TYW1B: variants seen among roughly 807,000 people sequenced by gnomAD.
TYW1B encodes tRNA-yW synthesizing protein 1 homolog B.
Under a neutral mutation model 86.9 loss-of-function variants are expected in TYW1B, and 73 were observed. That is an observed-to-expected ratio of 0.84 (90% CI 0.70 to 1.02). TYW1B has a LOEUF of 1.02. Among genes scored for constraint, TYW1B ranks in the 50% least tolerant of loss-of-function variants. TYW1B has a pLI of 0.00. For missense variants in TYW1B, 637 were observed against 827.4 expected (o/e 0.77, Z 2.82); for synonymous variants, 248 against 292.8 (o/e 0.85, Z 1.56).
intron 13 of TYW1B, among the ~76,000 whole-genome samples, chr7:72,603,816 T>C (rs199788020): frequency 6.6e-6 from 1 of 152,074 alleles, no homozygotes; most frequent in East Asian, 1.9e-4. Context: ...ATTTCAATAA[T>C]AGGGCATTCC....
chr7:72,790,066 G>C (rs28591206), intron 6 of TYW1B, among the ~76,000 whole-genome samples: 1 of 145,378 alleles, frequency 6.9e-6, no homozygotes, highest in Admixed American at 7.3e-5. Context: ...TCCTGCCTTA[G>C]TCTCCCAAGT....
chr7:72,629,834 C>G (rs1406413800), intron 11 of TYW1B, among the ~76,000 whole-genome samples: 1 of 152,050 alleles, frequency 6.6e-6, no homozygotes, highest in African/African-American at 2.4e-5. Flanking sequence ...AGGCGCACAC[C>G]GAGCCAAGCT....
intron 13 of TYW1B, among the ~76,000 whole-genome samples, chr7:72,580,100 A>AG (rs1811117975): frequency 6.6e-6 from 1 of 152,044 alleles, no homozygotes; most frequent in African/African-American, 2.4e-5. Flanking sequence ...TTGGGAGGGG[A>AG]GGGGGGCCAC....
Position 72,728,689 on chromosome 7 carries a change from T to C in TYW1B, c.1192+133A>G, listed in dbSNP as rs1787050142. 5.8e-6 allele frequency: 5 copies of C among 857,702 alleles called. No homozygotes were observed. The Admixed American group carries it at 1.4e-4, about 24-fold the overall frequency. 53.1% of individuals were successfully genotyped at this position (857,702 alleles called of 1,614,324 possible). ...AAAGGCAAAATATATATAATATTCC[T>C]ACGAAGTTTTCACTTCCTTAGAGGA... On this transcript the variant is annotated intron_variant, in intron 9 of 13. Transcript: ENST00000620995.
At chr7:72,801,848 C>T (rs569449262) in intron 6 of TYW1B, among the ~76,000 whole-genome samples, 2 of 152,094 alleles carry the variant, frequency 1.3e-5, no homozygotes, top group African/African-American at 2.4e-5. Context: ...TTAGTCTATA[C>T]AGCAGAGAAG....
rs569695399 is a variant in TYW1B at position 72,778,569 on chromosome 7, C to T, written c.847-1036G>A. On this transcript the variant is annotated intron_variant, in intron 6 of 13. Coordinates refer to ENST00000620995, the MANE Select transcript of TYW1B (RefSeq NM_001145440.3). Reference sequence around the variant, plus strand: ...GGTTCAAGCAATTCTCATGCCTCAGCCTCCCAAGTAGCTGGGACTACAGGC... The same window carrying T: ...GGTTCAAGCAATTCTCATGCCTCAGTCTCCCAAGTAGCTGGGACTACAGGC... Among the ~76,000 whole-genome samples the T allele has an allele frequency of 1.1e-4, 17 of 152,306 alleles. No individual in the cohort carries two copies. In the South Asian group the frequency reaches 3.5e-3, roughly 32 times the overall value.
intron 9 of TYW1B, among the ~76,000 whole-genome samples, chr7:72,725,795 T>A (rs1242331919): frequency 6.6e-6 from 1 of 152,114 alleles, no homozygotes; most frequent in African/African-American, 2.4e-5. Context: ...GATGTTGAAC[T>A]CACCAAGCCT....
chr7:72,744,395 C>T (rs1231196880), intron 8 of TYW1B, 89 bp downstream of exon 8: 4 of 1,321,142 alleles, frequency 3.0e-6, no homozygotes, highest in Non-Finnish European at 4.3e-6. Context: ...GACAGCAGAG[C>T]TCTTGGGTAA....
rs1788595425 is a variant in TYW1B, at chr7:72,810,753, C to A, written c.238-88G>T. ...ATCCTTTGAAAAAAAGCATACTCATCTCAAAGAACAAAGGGTACCTTCATA... is the reference window on the plus strand; with the variant it reads ...ATCCTTTGAAAAAAAGCATACTCATATCAAAGAACAAAGGGTACCTTCATA... On this transcript the variant is annotated intron_variant, in intron 3 of 13. Transcript: ENST00000620995. 2.1e-5 allele frequency: 31 copies of A among 1,481,632 alleles called. No homozygotes were observed. The South Asian group carries it at 4.1e-4, about 20-fold the overall frequency. 91.8% of individuals were successfully genotyped at this position (1,481,632 alleles called of 1,614,324 possible). A position where few individuals can be genotyped will look rare whatever the true frequency, so the allele number is the denominator to read the frequency against.
intron 7 of TYW1B, among the ~76,000 whole-genome samples, chr7:72,772,615 G>A (rs1391567921): frequency 1.3e-5 from 2 of 152,040 alleles, no homozygotes; most frequent in Non-Finnish European, 1.5e-5. Flanking sequence ...CCAGGCCAAA[G>A]TAATCTCATT....
At chr7:72,796,232 GCA>G (rs1190763038) in intron 6 of TYW1B, among the ~76,000 whole-genome samples, 1 of 61,934 alleles carries the variant, frequency 1.6e-5, no homozygotes, top group Non-Finnish European at 4.1e-5. Flanking sequence ...TGTTTGAGCC[GCA>G]CACAGACTGA....
chr7:72,605,501 G>A (rs1554434672), intron 13 of TYW1B, among the ~76,000 whole-genome samples: 3 of 151,932 alleles, frequency 2.0e-5, no homozygotes, highest in African/African-American at 4.8e-5. Flanking sequence ...CTACAGGCAC[G>A]TGCCACCACG....
At chr7:72,589,080 T>G (rs566121075) in intron 13 of TYW1B, among the ~76,000 whole-genome samples, 1 of 152,242 alleles carries the variant, frequency 6.6e-6, no homozygotes, top group African/African-American at 2.4e-5. Flanking sequence ...CCCAAAGTGC[T>G]GGGATTACAG....
At chr7:72,632,435 TACGTATATATATAAAATATATATATAC>T (rs1812552577) in intron 11 of TYW1B, among the ~76,000 whole-genome samples, 5 of 95,204 alleles carry the variant, frequency 5.3e-5, no homozygotes, top group South Asian at 2.7e-4. Context: ...AATATATATA[TACGTATATATATAAAATATATATATAC>T]ATATATATAT....
chr7:72,813,101 C>T (rs1416448491), intron 3 of TYW1B, among the ~76,000 whole-genome samples: 3 of 151,948 alleles, frequency 2.0e-5, no homozygotes, highest in Non-Finnish European at 4.4e-5. Context: ...AGCTGCCCAG[C>T]CCACAAAGGT....
intron 11 of TYW1B, among the ~76,000 whole-genome samples, chr7:72,676,671 A>C (rs1397563507): frequency 6.6e-6 from 1 of 152,122 alleles, no homozygotes; most frequent in Non-Finnish European, 1.5e-5. Context: ...TAAAAAAAAA[A>C]ACTTTTGGCT....
intron 13 of TYW1B, among the ~76,000 whole-genome samples, chr7:72,596,139 G>A (rs1332367117): frequency 1.6e-5 from 2 of 124,280 alleles, no homozygotes; most frequent in African/African-American, 3.2e-5. Context: ...TCACATCATT[G>A]CACTCCATCC....
chr7:72,698,627 C>A (rs1429325174), intron 10 of TYW1B, among the ~76,000 whole-genome samples: 2 of 137,738 alleles, frequency 1.5e-5, no homozygotes, highest in Non-Finnish European at 3.0e-5. Context: ...GCCTGGGCAA[C>A]AGAGCAAGAC....
intron 9 of TYW1B, among the ~76,000 whole-genome samples, chr7:72,727,392 C>G (rs1467398686): frequency 4.6e-5 from 7 of 152,098 alleles, no homozygotes; most frequent in Non-Finnish European, 8.8e-5. Flanking sequence ...CCAGAGCATA[C>G]AGATTCAACA....
Sources: allele counts gnomAD v4.1 joint callset (sites outside exome capture counted in the v4.1 genomes callset), GRCh38; gene constraint gnomAD v4.1.1; transcripts MANE v1.5; gene names NCBI Gene and HGNC (gene_info 2026-07-23, HGNC 2026-07-21).